The following ALK variants were observed in gnomAD, a reference collection of about 807,000 sequenced individuals.
ALK encodes the protein ALK tyrosine kinase receptor.
A neutral mutation model predicts 163.1 loss-of-function variants in ALK; 74 were observed. That is an observed-to-expected ratio of 0.45 (90% CI 0.38 to 0.55). ALK has a LOEUF of 0.55. ALK is among the 20% of genes least tolerant of loss of function. ALK has a pLI of 0.00. For synonymous variants in ALK, 960 were observed against 843.2 expected (o/e 1.14, Z -2.40); for missense variants, 2,063 against 2,105.3 (o/e 0.98, Z 0.39).
At chr2:29,295,054 G>A (rs925357420) in intron 9 of ALK, among the ~76,000 whole-genome samples, 11 of 152,252 alleles carry the variant, frequency 7.2e-5, no homozygotes, top group African/African-American at 1.9e-4. Context: ...GGCTCCCAGC[G>A]AATGGAAGCA....
At chr2:29,823,719 A>G (rs138377186) in intron 1 of ALK, among the ~76,000 whole-genome samples, 2 of 152,342 alleles carry the variant, frequency 1.3e-5, no homozygotes, top group East Asian at 3.9e-4. Flanking sequence ...AAAACATTCA[A>G]AAGGTGACTC....
intron 3 of ALK, among the ~76,000 whole-genome samples, chr2:29,593,197 C>T (rs868737583): frequency 2.0e-5 from 3 of 152,072 alleles, no homozygotes; most frequent in East Asian, 1.9e-4. Context: ...ATGAAGCCAA[C>T]GTAACATTGG....
intron 4 of ALK, among the ~76,000 whole-genome samples, chr2:29,498,962 G>A (rs55786200): frequency 0.068 from 10,308 of 152,176 alleles, 483 homozygotes; most frequent in Non-Finnish European, 0.1. Flanking sequence ...CTCCCATTTT[G>A]CAGAAAAGGA....
chr2:29,269,108 A>G (rs1665312499), intron 11 of ALK, among the ~76,000 whole-genome samples: 1 of 152,146 alleles, frequency 6.6e-6, no homozygotes, highest in Admixed American at 6.5e-5. Flanking sequence ...AAGATGCTAT[A>G]TTGCTTCCTG....
chr2:29,357,143 G>A (rs1217080003), intron 5 of ALK, among the ~76,000 whole-genome samples: 2 of 152,128 alleles, frequency 1.3e-5, no homozygotes, highest in Non-Finnish European at 2.9e-5. Flanking sequence ...TCCAAAATTG[G>A]GATGAGCTAC....
In ALK at chr2:29,296,917, C is replaced by T. The variant is rs1273699854; in HGVS notation, c.1788G>A (p.Met596Ile). The change falls in exon 9 of 29, where the codon ATG becomes ATA. Residue 596 changes from methionine (M) to isoleucine (I), a missense_variant. Met to Ile is a conservative substitution (Grantham distance 10). Coordinates refer to ENST00000389048, the MANE Select transcript of ALK (RefSeq NM_004304.5). The part of the protein sequence containing the change: ...AYEGLSLWQW[M>I]VLPLLDVSDR... ...CAGACACATCGAGGAGAGGCAACAC[C>T]ATCCACTGCCACAGGCTCAAGCCTT... is the stretch of plus-strand genomic sequence containing the variant. 1.9e-6 allele frequency: 3 copies of T among 1,614,072 alleles called. No individual in the cohort carries two copies. The highest frequency in any genetic ancestry group is 1.7e-6 in the Non-Finnish European group (2 of 1,180,028).
At position 29,694,954 on chromosome 2, in the gene ALK, A is replaced by C; in HGVS notation, c.848T>G (p.Leu283Arg). 1 of 1,614,122 alleles carries C rather than the reference A, an allele frequency of 6.2e-7. No homozygotes were observed. The highest frequency in any genetic ancestry group is 1.1e-5 in the South Asian group (1 of 91,086). The change falls in exon 3 of 29, where the codon CTC (leucine) becomes CGC (arginine). Residue 283 changes from leucine (L) to arginine (R), a missense_variant. Around this residue, in one of 5 missense-constraint regions of ALK, gnomAD observed 987 missense variants for 939.5 expected, o/e 1.05. Transcript: ENST00000389048. Reference protein sequence around the residue: ...ELEYSPPLHDLRNQSWSWRRI... With the variant: ...ELEYSPPLHDRRNQSWSWRRI... ...GCGCCAGGACCAGCTCTGGTTCCTG[A>C]GGTCATGCAGTGGAGGGGAATACTC... is the stretch of plus-strand genomic sequence containing the variant.
At chr2:29,806,627 AG>A (rs1448389643) in intron 1 of ALK, among the ~76,000 whole-genome samples, 1 of 152,166 alleles carries the variant, frequency 6.6e-6, no homozygotes, top group Non-Finnish European at 1.5e-5. Context: ...CAATATTTGC[AG>A]ATGTTGTCCG....
chr2:29,800,276 A>T (rs1180372203), intron 1 of ALK, among the ~76,000 whole-genome samples: 1 of 152,252 alleles, frequency 6.6e-6, no homozygotes, highest in Non-Finnish European at 1.5e-5. Flanking sequence ...AGCCACCAGC[A>T]TGCTGGGCAA....
chr2:29,534,393 T>C (rs1400766280), intron 3 of ALK, among the ~76,000 whole-genome samples: 5 of 152,332 alleles, frequency 3.3e-5, no homozygotes, highest in African/African-American at 9.6e-5. Context: ...GGGTAGTGTG[T>C]ATCTGTGCAG....
At chr2:29,590,988 A>G (rs565489945) in intron 3 of ALK, among the ~76,000 whole-genome samples, 95 of 144,118 alleles carry the variant, frequency 6.6e-4, no homozygotes, top group Admixed American at 2.5e-3. Flanking sequence ...GGAGAATGGC[A>G]TGAACCTGGG....
intron 1 of ALK, among the ~76,000 whole-genome samples, chr2:29,758,005 C>CTTTTT (rs1213067837): frequency 3.8e-5 from 4 of 104,970 alleles, no homozygotes; most frequent in Non-Finnish European, 5.3e-5. Context: ...CCCGCATCCT[C>CTTTTT]TTTTTTTTTT....
chr2:29,802,917 A>T (rs1200434175), intron 1 of ALK, among the ~76,000 whole-genome samples: 8 of 152,044 alleles, frequency 5.3e-5, no homozygotes, highest in African/African-American at 1.9e-4. Flanking sequence ...TGACCCCCAA[A>T]CCATGCATTT....
chr2:29,852,832 T>TGCTCTCTCCCTCTCTCTCTCTC (rs1298090937), intron 1 of ALK, among the ~76,000 whole-genome samples: 1 of 148,476 alleles, frequency 6.7e-6, no homozygotes, highest in African/African-American at 2.5e-5. Context: ...GACCAGAGCT[T>TGCTCTCTCCCTCTCTCTCTCTC]TCTCTCTCTC....
At chr2:29,567,536 A>G (rs1251033911) in intron 3 of ALK, among the ~76,000 whole-genome samples, 2 of 152,188 alleles carry the variant, frequency 1.3e-5, no homozygotes, top group Non-Finnish European at 2.9e-5. Flanking sequence ...AATATTTGGA[A>G]GACTCTTGCC....
chr2:29,448,327 G>A (rs889304125), intron 4 of ALK, among the ~76,000 whole-genome samples: 2 of 152,146 alleles, frequency 1.3e-5, no homozygotes, highest in African/African-American at 2.4e-5. Flanking sequence ...GGCTGGCTTC[G>A]TTTGGCCAGT....
In ALK at chr2:29,831,266, GAAGAAGAA is replaced by G. The variant is rs1558509115; in HGVS notation, c.667+88719_667+88726del. ...AGAAGAGGAAGAGGAAGAGGAAGAA[GAAGAAGAA>G]GAAGAAGAAGAAGAAGAAGAAGAAG... On this transcript the variant is annotated intron_variant, in intron 1 of 28. Transcript: ENST00000389048. Among the ~76,000 whole-genome samples, 216 of 89,658 alleles carry G rather than the reference GAAGAAGAA, an allele frequency of 2.4e-3. 5 individuals carry two copies. Among genetic ancestry groups the G allele is most frequent in the African/African-American group, 5.7e-3 (149 of 25,948 alleles). 58.8% of individuals were successfully genotyped at this position (89,658 alleles called of 152,430 possible). A position where few individuals can be genotyped will look rare whatever the true frequency, so the allele number is the denominator to read the frequency against.
intron 4 of ALK, among the ~76,000 whole-genome samples, chr2:29,387,881 A>G (rs1402911453): frequency 1.3e-5 from 2 of 152,232 alleles, no homozygotes; most frequent in East Asian, 3.9e-4. Context: ...TATTGCTCCA[A>G]GACTGCAAGC....
At chr2:29,311,726 T>G (rs1215766952) in intron 8 of ALK, among the ~76,000 whole-genome samples, 2 of 151,974 alleles carry the variant, frequency 1.3e-5, no homozygotes, top group African/African-American at 4.8e-5. Context: ...TGGCCAGCTG[T>G]GTGTGGTCTA....
Sources: allele counts gnomAD v4.1 joint callset (sites outside exome capture counted in the v4.1 genomes callset), GRCh38; gene constraint gnomAD v4.1.1; regional missense constraint gnomAD v4.1.1; transcripts MANE v1.5; gene names NCBI Gene and HGNC (gene_info 2026-07-23, HGNC 2026-07-21).